The following ERG variants were observed in gnomAD, a reference collection of about 807,000 sequenced individuals.
ERG encodes ETS transcription factor ERG, also known as transcriptional regulator ERG.
A neutral mutation model predicts 55.3 loss-of-function variants in ERG; 9 were observed. That is an observed-to-expected ratio of 0.16 (90% confidence interval 0.10 to 0.28). The LOEUF is 0.28. Among genes scored for constraint, ERG ranks in the 10% least tolerant of loss-of-function variants. The probability of loss-of-function intolerance (pLI) is 1.00; values close to 1 mark genes in which losing one functional copy is unlikely to be tolerated. For missense variants in ERG, 434 were observed against 631.6 expected, an observed-to-expected ratio of 0.69 and a Z score of 3.35; for synonymous variants, 223 against 237.3, an observed-to-expected ratio of 0.94 and a Z score of 0.55.
chr21:38,568,158 T>C lies in ERG; in HGVS notation c.-41+7504A>G, dbSNP rs533612894. Among the ~76,000 whole-genome samples, 7 of 152,308 alleles carry C rather than the reference T, an allele frequency of 4.6e-5. No individual in the cohort carries two copies. The South Asian group carries it at 1.5e-3, about 32-fold the overall frequency. On this transcript the variant is annotated intron_variant, in intron 2 of 8. Transcript: ENST00000398897. ...TATGTAACAGTATCTCCCCTTCCAC[T>C]GCTATATGTAACAGTATCTCCCCTT...
chr21:38,488,193 G>A (rs1424604191), intron 1 of ERG, among the ~76,000 whole-genome samples: 4 of 152,168 alleles, frequency 2.6e-5, no homozygotes, highest in African/African-American at 9.7e-5. Context: ...CAGCATTTAA[G>A]AGGCTCAGCA....
chr21:38,577,440 C>A (rs1341748736), intron 1 of ERG, among the ~76,000 whole-genome samples: 1 of 152,090 alleles, frequency 6.6e-6, no homozygotes, highest in Non-Finnish European at 1.5e-5. Context: ...AAAATATGTA[C>A]TTCCCCCCAC....
chr21:38,392,770 C>T (rs1359699832), intron 6 of ERG, among the ~76,000 whole-genome samples: 2 of 152,204 alleles, frequency 1.3e-5, no homozygotes, highest in African/African-American at 4.8e-5. Context: ...TCCACTGGGA[C>T]TGATCTACAT....
chr21:38,506,788 G>A (rs763731660), intron 2 of ERG, among the ~76,000 whole-genome samples: 5 of 152,096 alleles, frequency 3.3e-5, no homozygotes, highest in Admixed American at 6.6e-5. Flanking sequence ...GCTGTCGGGC[G>A]GGGCTGGGTG....
chr21:38,610,883 G>T (rs568374332), intron 1 of ERG, among the ~76,000 whole-genome samples: 5 of 152,162 alleles, frequency 3.3e-5, no homozygotes, highest in Non-Finnish European at 4.4e-5. Flanking sequence ...GGCTTGAGGG[G>T]AGATTGAAAA....
At chr21:38,488,201 G>C (rs1031587231) in intron 1 of ERG, among the ~76,000 whole-genome samples, 8 of 152,120 alleles carry the variant, frequency 5.3e-5, no homozygotes, top group African/African-American at 1.9e-4. Context: ...AAGAGGCTCA[G>C]CATTTTCTGA....
intron 1 of ERG, among the ~76,000 whole-genome samples, chr21:38,581,657 A>G (rs2146876634): frequency 6.6e-6 from 1 of 152,308 alleles, no homozygotes; most frequent in Non-Finnish European, 1.5e-5. Flanking sequence ...TGCCTATGTA[A>G]CAAAATCTCC....
chr21:38,420,523 T>A (rs996177589), intron 3 of ERG, among the ~76,000 whole-genome samples: 2 of 152,178 alleles, frequency 1.3e-5, no homozygotes, highest in African/African-American at 4.8e-5. Flanking sequence ...AGCCTTCACA[T>A]CAAAGCTTAC....
intron 1 of ERG, among the ~76,000 whole-genome samples, chr21:38,447,013 C>T (rs2058898249): frequency 1.3e-5 from 2 of 152,074 alleles, no homozygotes; most frequent in Admixed American, 1.3e-4. Context: ...TGCTTCCCAT[C>T]AGTAATCACA....
chr21:38,500,228 A>C (rs888986870), upstream of ERG, among the ~76,000 whole-genome samples: 1 of 152,232 alleles, frequency 6.6e-6, no homozygotes, highest in African/African-American at 2.4e-5. Context: ...TGCCTTTACC[A>C]AACACCAGCT....
intron 1 of ERG, among the ~76,000 whole-genome samples, chr21:38,473,832 A>G (rs1454767924): frequency 6.6e-6 from 1 of 151,964 alleles, no homozygotes; most frequent in Non-Finnish European, 1.5e-5. Context: ...TTGCGTACGT[A>G]TGCATGTGTA....
chr21:38,658,230 G>A (rs2060531107), intron 1 of ERG, among the ~76,000 whole-genome samples: 2 of 152,208 alleles, frequency 1.3e-5, no homozygotes, highest in South Asian at 2.1e-4. Context: ...AGAGAGATCA[G>A]CTGTCAACTT....
intron 2 of ERG, among the ~76,000 whole-genome samples, chr21:38,424,978 A>G (rs1449738761): frequency 6.6e-6 from 1 of 152,220 alleles, no homozygotes; most frequent in Non-Finnish European, 1.5e-5. Flanking sequence ...TCATTTGGAT[A>G]AAGTCAAACC....
In ERG at chr21:38,467,075, C is replaced by G. The variant is rs116281675; in HGVS notation, c.19-21454G>C. On this transcript the variant is annotated intron_variant, in intron 1 of 9. Transcript: ENST00000288319. ...AGACATGTTTGGATGTGCTGAGAAT[C>G]AGAATCCAATCTCGGCCCTCAAGTC... Among the ~76,000 whole-genome samples, 375 of 152,244 alleles carry G rather than the reference C, an allele frequency of 2.5e-3. 3 individuals carry two copies. The highest frequency in any genetic ancestry group is 7.7e-3 in the African/African-American group (320 of 41,528).
intron 1 of ERG, among the ~76,000 whole-genome samples, chr21:38,583,843 G>C (rs2060045255): frequency 6.6e-6 from 1 of 152,178 alleles, no homozygotes; most frequent in Non-Finnish European, 1.5e-5. Flanking sequence ...CCCTCAGAGG[G>C]AACCACTTGG....
At chr21:38,451,050 G>T (rs1252942748) in intron 1 of ERG, 1 of 432,136 alleles carries the variant, frequency 2.3e-6, no homozygotes, top group African/African-American at 2.0e-5. Flanking sequence ...GGAAGAAGTT[G>T]GATTAAGAAA....
At chr21:38,632,752 G>A (rs1043218641) in intron 1 of ERG, among the ~76,000 whole-genome samples, 3 of 152,180 alleles carry the variant, frequency 2.0e-5, no homozygotes, top group African/African-American at 7.2e-5. Flanking sequence ...CCAGTCTTGA[G>A]TATGTCTTTA....
At chr21:38,442,852 G>A (rs1383807004) in intron 2 of ERG, among the ~76,000 whole-genome samples, 7 of 152,174 alleles carry the variant, frequency 4.6e-5, no homozygotes, top group Admixed American at 3.3e-4. Context: ...CTGTCGCCCA[G>A]GCTGGAGTGC....
At chr21:38,459,593 T>A (rs557780376) in intron 1 of ERG, among the ~76,000 whole-genome samples, 2 of 152,180 alleles carry the variant, frequency 1.3e-5, no homozygotes, top group Non-Finnish European at 2.9e-5. Context: ...AACTGGTTAT[T>A]CCACAGCCCA....
Sources: allele counts gnomAD v4.1 joint callset (sites outside exome capture counted in the v4.1 genomes callset), GRCh38; gene constraint gnomAD v4.1.1; transcripts MANE v1.5; gene names NCBI Gene and HGNC (gene_info 2026-07-23, HGNC 2026-07-21).